Variants in CSTL1 observed in about 807,000 individuals in gnomAD.
CSTL1 encodes cystatin like 1.
Under a neutral mutation model 14.4 loss-of-function variants are expected in CSTL1, and 14 were observed. The observed-to-expected ratio is 0.97, with a 90% CI of 0.64 to 1.52. The LOEUF (loss-of-function observed/expected upper bound fraction) is 1.52, where lower values mean the gene tolerates loss of function less well. Among genes scored for constraint, CSTL1 ranks in the 40% most tolerant of loss-of-function variants. The pLI, the probability that CSTL1 is intolerant of heterozygous loss-of-function variation, is 0.00. For missense variants in CSTL1, 170 were observed against 168.7 expected, an observed-to-expected ratio of 1.01 and a Z score of -0.04; for synonymous variants, 72 against 67.5, an observed-to-expected ratio of 1.07 and a Z score of -0.33.
chr20:23,451,799 G>A, the CSTL1 span: 1 of 1,590,832 alleles, frequency 6.3e-7, no homozygotes, highest in Non-Finnish European at 8.6e-7. Context: ...CTACGTTAAA[G>A]TGCTTTTACC....
downstream of CSTL1, among the ~76,000 whole-genome samples, chr20:23,445,406 C>T (rs1391112230): frequency 4.6e-5 from 7 of 152,070 alleles, no homozygotes; most frequent in Non-Finnish European, 1.0e-4. Context: ...GTGCACACCG[C>T]TTTGTCCAGC....
chr20:23,447,307 T>C (rs1439224306), downstream of CSTL1, among the ~76,000 whole-genome samples: 1 of 152,222 alleles, frequency 6.6e-6, no homozygotes, highest in African/African-American at 2.4e-5. Context: ...CTTTCTTTAT[T>C]GTATAGAATT....
the CSTL1 span, chr20:23,452,896 G>C: frequency 2.5e-5 from 26 of 1,052,292 alleles, no homozygotes; most frequent in Non-Finnish European, 2.8e-6. Flanking sequence ...TGCCCTGGCA[G>C]GATTTAAGAG....
chr20:23,454,113 GAC>G, the CSTL1 span, among the ~76,000 whole-genome samples: 1 of 149,482 alleles, frequency 6.7e-6, no homozygotes, highest in Non-Finnish European at 1.5e-5. Flanking sequence ...AACACACAGA[GAC>G]ACACGCACCT....
At chr20:23,449,116 T>C (rs1239813602), downstream of CSTL1, among the ~76,000 whole-genome samples, 3 of 152,232 alleles carry the variant, frequency 2.0e-5, no homozygotes, top group Non-Finnish European at 2.9e-5. Context: ...GTTGCTGACG[T>C]GCATCTCAGC....
chr20:23,454,613 C>T, the CSTL1 span, among the ~76,000 whole-genome samples: 5 of 152,180 alleles, frequency 3.3e-5, no homozygotes, highest in Non-Finnish European at 5.9e-5. Flanking sequence ...GGCTCTGTCT[C>T]CACCTCCTGT....
chr20:23,454,607 CTG>C, the CSTL1 span, among the ~76,000 whole-genome samples: 1 of 152,204 alleles, frequency 6.6e-6, no homozygotes. Flanking sequence ...TGGAAGGGCT[CTG>C]TCTCCACCTC....
At chr20:23,458,063 C>T in the CSTL1 span, among the ~76,000 whole-genome samples, 1 of 152,108 alleles carries the variant, frequency 6.6e-6, no homozygotes, top group South Asian at 2.1e-4. Flanking sequence ...GGATTAATTG[C>T]TAGGAGACAT....
At chr20:23,452,723 G>A in the CSTL1 span, 1 of 1,614,060 alleles carries the variant, frequency 6.2e-7, no homozygotes, top group African/African-American at 1.3e-5. Context: ...GCTTAGAAAG[G>A]TTTTCTTCCT....
At position 23,443,999 on chromosome 20, in the gene CSTL1, C is replaced by T; in HGVS notation, c.285C>T (p.Asp95=). 3.1e-6 allele frequency: 5 copies of T among 1,614,176 alleles called. No individual in the cohort carries two copies. Among genetic ancestry groups the T allele is most frequent in the South Asian group, 1.1e-5 (1 of 91,084 alleles). ...KIGWTKCKRN[D]TSNSSCPLQS... ...GCTGGACCAAATGCAAGAGGAATGA[C>T]ACGAGCAATTCTTCCTGCCCCCTGC... Residue 95 remains aspartate, a synonymous_variant, in exon 3 of 4, where the codon GAC becomes GAT. Coordinates refer to ENST00000347397, the MANE Select transcript of CSTL1 (RefSeq NM_138283.1).
intron 2 of CSTL1, among the ~76,000 whole-genome samples, chr20:23,443,578 G>C (rs903251478): frequency 6.6e-6 from 1 of 152,158 alleles, no homozygotes; most frequent in Non-Finnish European, 1.5e-5. Context: ...GGGGGGTGGG[G>C]ACAAGATGCT....
downstream of CSTL1, among the ~76,000 whole-genome samples, chr20:23,446,370 C>T (rs377639109): frequency 2.3e-3 from 353 of 152,292 alleles, 1 homozygote; most frequent in Non-Finnish European, 3.9e-3. Context: ...ATTCTTCTGC[C>T]TCAGCCTCCC....
At chr20:23,449,479 G>A (rs901223094), downstream of CSTL1, among the ~76,000 whole-genome samples, 6 of 152,240 alleles carry the variant, frequency 3.9e-5, no homozygotes, top group African/African-American at 1.4e-4. Context: ...TTAAACCCAA[G>A]GCTTTTGCTT....
rs1986789796 is a variant in CSTL1, at chr20:23,440,130, C to T, written c.-124-14C>T. 2 of 773,440 alleles carry T rather than the reference C, an allele frequency of 2.6e-6. No individual in the cohort carries two copies. Among genetic ancestry groups the T allele is most frequent in the Non-Finnish European group, 4.3e-6 (2 of 468,728 alleles). The allele number at this position is 773,440 out of a possible 1,614,324, so 47.9% of individuals were successfully genotyped here. Reference sequence around the variant, plus strand: ...AGTGACAAGGTTCAGGTCTGAATCTCTGTTTAAATGCAGGCAGGCCATCCC... The same window carrying T: ...AGTGACAAGGTTCAGGTCTGAATCTTTGTTTAAATGCAGGCAGGCCATCCC... On this transcript the variant is annotated splice_polypyrimidine_tract_variant and intron_variant, in intron 1 of 3. Coordinates refer to ENST00000347397, the MANE Select transcript of CSTL1 (RefSeq NM_138283.1).
chr20:23,451,985 C>A, the CSTL1 span: 4 of 1,250,620 alleles, frequency 3.2e-6, no homozygotes, highest in Non-Finnish European at 4.7e-6. Context: ...GGTTTCTGTG[C>A]CTGGGGGCTC....
In CSTL1 at chr20:23,440,442, A is replaced by G. The variant is rs7361799; in HGVS notation, c.175A>G (p.Thr59Ala). Residue 59 changes from threonine (T) to alanine (A), a missense_variant, in exon 2 of 4, where the codon ACC (threonine) becomes GCC (alanine). By Grantham distance (58) the Thr-to-Ala change is moderately conservative. Coordinates refer to ENST00000347397, the MANE Select transcript of CSTL1 (RefSeq NM_138283.1). ...IQSYNNASND[T>A]YLYRVQRLIR... ...ATCCTACAACAATGCCAGCAACGACACCTACTTATATCGAGTCCAGAGGCT... is the reference window on the plus strand; with the variant it reads ...ATCCTACAACAATGCCAGCAACGACGCCTACTTATATCGAGTCCAGAGGCT... 39,525 of 1,614,032 alleles carry G rather than the reference A, an allele frequency of 0.024. 1,058 individuals carry two copies. The highest frequency in any genetic ancestry group is 0.085 in the East Asian group (3,822 of 44,874).
intron 3 of CSTL1, among the ~76,000 whole-genome samples, chr20:23,444,546 G>C (rs1472698762): frequency 6.6e-6 from 1 of 152,202 alleles, no homozygotes; most frequent in Non-Finnish European, 1.5e-5. Context: ...ATAGACTCCA[G>C]GTTCACCTGC....
the CSTL1 span, among the ~76,000 whole-genome samples, chr20:23,460,104 A>T: frequency 6.6e-6 from 1 of 152,214 alleles, no homozygotes; most frequent in Non-Finnish European, 1.5e-5. Flanking sequence ...TGGCCTCCCC[A>T]AGTCCTTTAT....
At chr20:23,452,230 C>T in the CSTL1 span, among the ~76,000 whole-genome samples, 19 of 152,264 alleles carry the variant, frequency 1.2e-4, no homozygotes, top group East Asian at 2.3e-3. Context: ...AAACATCTTA[C>T]GTTTTATTGG....
Sources: gnomAD v4.1 joint callset for allele counts (sites outside exome capture counted in the v4.1 genomes callset) on GRCh38, gnomAD v4.1.1 for gene constraint, MANE v1.5 for transcripts, NCBI Gene and HGNC (gene_info 2026-07-23, HGNC 2026-07-21) for gene names.